ACTL6A: variants seen among roughly 807,000 people sequenced by gnomAD.
ACTL6A encodes the protein actin-like protein 6A.
A neutral mutation model predicts 59.2 loss-of-function variants in ACTL6A; 5 were observed. That is an observed-to-expected ratio of 0.08 (90% CI 0.04 to 0.18). The LOEUF (loss-of-function observed/expected upper bound fraction) is 0.18, where lower values mean the gene tolerates loss of function less well. ACTL6A is among the 10% of genes least tolerant of loss of function. The pLI is 1.00. For synonymous variants in ACTL6A, 154 were observed against 171.8 expected (o/e 0.90, Z 0.81); for missense variants, 285 against 526.9 (o/e 0.54, Z 4.49).
At chr3:179,567,956 G>A (rs1359134114) in intron 1 of ACTL6A, among the ~76,000 whole-genome samples, 1 of 152,018 alleles carries the variant, frequency 6.6e-6, no homozygotes, top group Non-Finnish European at 1.5e-5. Flanking sequence ...GGTGGATCAC[G>A]AGGTCAGGAG....
chr3:179,586,578 A>C lies in ACTL6A; in HGVS notation c.1155A>C (p.Thr385=), dbSNP rs748813183. The part of the protein sequence containing the change: ...SMRLKLIANN[T]TVERRFSSWI... Reference sequence around the variant, plus strand: ...GGTTGAAATTGATTGCAAATAATACAACAGTGGAACGGAGGTTTAGCTCAT... The same window carrying C: ...GGTTGAAATTGATTGCAAATAATACCACAGTGGAACGGAGGTTTAGCTCAT... The change falls in exon 13 of 14, where the codon ACA becomes ACC. Residue 385 remains threonine (T), a synonymous_variant. Transcript: ENST00000429709. 2.5e-6 allele frequency: 4 copies of C among 1,599,220 alleles called. No homozygotes were observed. In the African/African-American group the frequency reaches 4.1e-5, roughly 16 times the overall value.
chr3:179,584,147 C>A (rs1319530489), intron 12 of ACTL6A: 1 of 152,168 alleles, frequency 6.6e-6, no homozygotes, highest in Non-Finnish European at 1.5e-5. Context: ...TATGCTGAAT[C>A]TCTAGGGGAA....
At chr3:179,573,047 T>C (rs1718060261) in intron 3 of ACTL6A, among the ~76,000 whole-genome samples, 1 of 151,612 alleles carries the variant, frequency 6.6e-6, no homozygotes, top group African/African-American at 2.4e-5. Flanking sequence ...TCTTCTGTAC[T>C]TCCTATTATC....
chr3:179,583,544 C>A, intron 12 of ACTL6A, 96 bp downstream of exon 12: 3 of 918,478 alleles, frequency 3.3e-6, no homozygotes, highest in Non-Finnish European at 5.1e-6. Flanking sequence ...TCAATAGATA[C>A]ATGATATTTT....
At chr3:179,563,255 G>A (rs973799224) in intron 1 of ACTL6A, 138 bp downstream of exon 1, 2 of 1,287,766 alleles carry the variant, frequency 1.6e-6, no homozygotes, top group Non-Finnish European at 2.0e-6. Context: ...CCCCGTCCCC[G>A]CCCCACGCTC....
chr3:179,573,194 C>T (rs1291669764), intron 3 of ACTL6A, 175 bp from the exon 4 acceptor site: 1 of 470,032 alleles, frequency 2.1e-6, no homozygotes, highest in Non-Finnish European at 3.7e-6. Context: ...TTCTATATAT[C>T]TAGAAGGCAA....
At chr3:179,584,816 A>C (rs921532171) in intron 12 of ACTL6A, among the ~76,000 whole-genome samples, 2 of 152,032 alleles carry the variant, frequency 1.3e-5, no homozygotes, top group Admixed American at 1.3e-4. Context: ...CAAAACTTCA[A>C]GTGCTTTTTT....
chr3:179,575,187 G>T, intron 5 of ACTL6A: 1 of 353,138 alleles, frequency 2.8e-6, no homozygotes, highest in South Asian at 2.2e-5. Context: ...AGCCAGAATC[G>T]TCTTCTACAT....
At position 179,587,780 on chromosome 3, in the gene ACTL6A, C is replaced by T. The variant is rs1576862221; in HGVS notation, c.1210-150C>T. On this transcript the variant is annotated intron_variant, in intron 13 of 13. Transcript: ENST00000429709. ...GGCTGAGGTGGGAGCATCCCTTGAA[C>T]CAAGAAGTTCGAGGTTGTAAGCTAC... 5 of 585,696 alleles carry T rather than the reference C, an allele frequency of 8.5e-6. No homozygotes were observed. In the East Asian group the frequency reaches 1.6e-4, roughly 19 times the overall value. 36.3% of individuals were successfully genotyped at this position (585,696 alleles called of 1,614,324 possible). A position where few individuals can be genotyped will look rare whatever the true frequency, so the allele number is the denominator to read the frequency against.
rs1160434442 is a variant in ACTL6A, at chr3:179,570,631, C to T, written c.277+390C>T. Among the ~76,000 whole-genome samples, 1 of 152,116 alleles carries T rather than the reference C, an allele frequency of 6.6e-6. No homozygotes were observed. The highest frequency in any genetic ancestry group is 1.5e-5 in the Non-Finnish European group (1 of 68,030). Reference sequence around the variant, plus strand: ...AATGAGTAAGAATTAGCTTGGCTGACAAAGCTGGGTAAAGCAAAGGGACCA... The same window carrying T: ...AATGAGTAAGAATTAGCTTGGCTGATAAAGCTGGGTAAAGCAAAGGGACCA... On this transcript the variant is annotated intron_variant, in intron 3 of 13. Coordinates refer to ENST00000429709, the MANE Select transcript of ACTL6A (RefSeq NM_004301.5). The surrounding 1 kb of genome is among the most constrained non-coding windows in gnomAD (Gnocchi z 4.3).
At chr3:179,575,520 C>A in intron 5 of ACTL6A, 1 of 446,982 alleles carries the variant, frequency 2.2e-6, no homozygotes, top group Non-Finnish European at 4.5e-6. Context: ...CAGCCTCCCT[C>A]CTTCCTCCCT....
At position 179,580,635 on chromosome 3, in the gene ACTL6A, C is replaced by A; in HGVS notation, c.769-5C>A. 2 of 1,593,496 alleles carry A rather than the reference C, an allele frequency of 1.3e-6. No homozygotes were observed. Among genetic ancestry groups the A allele is most frequent in the Admixed American group, 1.8e-5 (1 of 57,082 alleles). On this transcript the variant is annotated splice_polypyrimidine_tract_variant and splice_region_variant and intron_variant, in intron 8 of 13. Coordinates refer to ENST00000429709, the MANE Select transcript of ACTL6A (RefSeq NM_004301.5). ...TTGTTTGTTACTTTTTTCTTTTACT[C>A]ACAGTGTGTTATCCAGGATTTTCAA...
intron 13 of ACTL6A, among the ~76,000 whole-genome samples, chr3:179,587,333 G>T (rs1225323608): frequency 6.6e-6 from 1 of 152,082 alleles, no homozygotes; most frequent in Non-Finnish European, 1.5e-5. Flanking sequence ...CCTTCTGACA[G>T]TTTCTGTTAT....
chr3:179,564,475 T>C (rs537054454), intron 1 of ACTL6A, among the ~76,000 whole-genome samples: 1 of 152,212 alleles, frequency 6.6e-6, no homozygotes, highest in Non-Finnish European at 1.5e-5. Context: ...ATCCTAGGTT[T>C]TAAACATCCA....
At position 179,580,819 on chromosome 3, in the gene ACTL6A, A is replaced by G. The variant is rs10937006; in HGVS notation, c.831-75A>G. 4,168 of 1,427,856 alleles carry G rather than the reference A, an allele frequency of 2.9e-3. 119 individuals are homozygous for G. The African/African-American group carries it at 0.053, about 18-fold the overall frequency. The allele number at this position is 1,427,856 out of a possible 1,614,324, so 88.4% of individuals were successfully genotyped here. A position where few individuals can be genotyped will look rare whatever the true frequency, so the allele number is the denominator to read the frequency against. On this transcript the variant is annotated intron_variant, in intron 9 of 13. Coordinates refer to ENST00000429709, the MANE Select transcript of ACTL6A (RefSeq NM_004301.5). ...CCCTTTTTTTTTTTTACAAGTTTAT[A>G]ATTCCCTAGTAGTTTATAATTTTGA...
chr3:179,585,978 G>C lies in ACTL6A; in HGVS notation c.1123-568G>C, dbSNP rs1475825786. ...TTAGGATAGCATGAAAGCCTAGAAAGGAAGCAGTTAGAAGGTTGGGGAGGA... is the reference window on the plus strand; with the variant it reads ...TTAGGATAGCATGAAAGCCTAGAAACGAAGCAGTTAGAAGGTTGGGGAGGA... On this transcript the variant is annotated intron_variant, in intron 12 of 13. Transcript: ENST00000429709. 3.3e-5 allele frequency among the ~76,000 whole-genome samples: 5 copies of C among 152,174 alleles called. No homozygotes were observed. The East Asian group carries it at 9.6e-4, about 29-fold the overall frequency.
chr3:179,566,389 A>G lies in ACTL6A; in HGVS notation c.25+3272A>G, dbSNP rs566902923. Among the ~76,000 whole-genome samples, 12 of 152,344 alleles carry G rather than the reference A, an allele frequency of 7.9e-5. No individual in the cohort carries two copies. In the South Asian group the frequency reaches 2.1e-3, roughly 26 times the overall value. ...TTCCCAAAGTTTCCATGGTAGAACT[A>G]TATTTTATTATAATTGGCTTCTTTT... On this transcript the variant is annotated intron_variant, in intron 1 of 13. Coordinates refer to ENST00000429709, the MANE Select transcript of ACTL6A (RefSeq NM_004301.5).
chr3:179,563,436 C>A (rs1434866743), intron 1 of ACTL6A, among the ~76,000 whole-genome samples: 1 of 152,234 alleles, frequency 6.6e-6, no homozygotes, highest in African/African-American at 2.4e-5. Flanking sequence ...AGCCGGCCGC[C>A]GGGCCCCGGC....
intron 3 of ACTL6A, among the ~76,000 whole-genome samples, chr3:179,572,665 T>C (rs1338777562): frequency 2.0e-5 from 3 of 151,894 alleles, no homozygotes; most frequent in African/African-American, 7.3e-5. Context: ...ATTAGTTGGG[T>C]ACGGTGGCGG....
Sources: allele counts gnomAD v4.1 joint callset (sites outside exome capture counted in the v4.1 genomes callset), GRCh38; gene constraint gnomAD v4.1.1; non-coding constraint Gnocchi (gnomAD v3.1); transcripts MANE v1.5; gene names NCBI Gene and HGNC (gene_info 2026-07-23, HGNC 2026-07-21).